The following LAMC1 variants were observed in gnomAD, a reference collection of about 807,000 sequenced individuals.
LAMC1 encodes the protein laminin subunit gamma-1.
LAMC1 carries 38 observed loss-of-function variants against 173.6 expected under a neutral mutation model. The observed-to-expected ratio is 0.22, with a 90% CI of 0.17 to 0.29. LAMC1 has a LOEUF of 0.29. Among genes scored for constraint, LAMC1 ranks in the 10% least tolerant of loss-of-function variants. The pLI, the probability that LAMC1 is intolerant of heterozygous loss-of-function variation, is 1.00. For synonymous variants in LAMC1, 746 were observed against 749.1 expected, an observed-to-expected ratio of 1.00 and a Z score of 0.07; for missense variants, 1,824 against 2,051.8, an observed-to-expected ratio of 0.89 and a Z score of 2.14.
At chr1:183,059,556 G>A (rs551664805) in intron 1 of LAMC1, among the ~76,000 whole-genome samples, 1 of 152,288 alleles carries the variant, frequency 6.6e-6, no homozygotes, top group South Asian at 2.1e-4. Flanking sequence ...TTGTGTGACA[G>A]GAGATAATGG....
intron 17 of LAMC1, 131 bp downstream of exon 17, chr1:183,127,535 A>G: frequency 1.5e-6 from 1 of 684,262 alleles, no homozygotes; most frequent in Non-Finnish European, 2.4e-6. Context: ...CTTATGTTCC[A>G]GTTGGGAGGC....
Position 183,122,144 on chromosome 1 carries a change from G to C in LAMC1, c.2294G>C (p.Gly765Ala), listed in dbSNP as rs754363534. The C allele has an allele frequency of 1.2e-6, 2 of 1,614,174 alleles. No individual in the cohort carries two copies. Among genetic ancestry groups the C allele is most frequent in the East Asian group, 2.2e-5 (1 of 44,884 alleles). Residue 765 changes from glycine to alanine, a missense_variant, in exon 13 of 28, where the codon GGC becomes GCC. By Grantham distance (60) the Gly-to-Ala change is moderately conservative. Transcript: ENST00000258341. ...GGGTACTATGGAGATTCAACTGCAG[G>C]CACCTCCTCCGATTGCCAACCCTGT... The part of the protein sequence containing the change: ...SDGYYGDSTA[G>A]TSSDCQPCPC...
intron 1 of LAMC1, among the ~76,000 whole-genome samples, chr1:183,038,419 CTTAAAAT>C (rs1654040291): frequency 6.6e-6 from 1 of 152,218 alleles, no homozygotes; most frequent in Admixed American, 6.5e-5. Flanking sequence ...GAGTGTTGGG[CTTAAAAT>C]GTCCTCAGTG....
In LAMC1 at chr1:183,023,762, C is replaced by T. The variant is rs1466558861; in HGVS notation, c.46C>T (p.Arg16Trp). 22 of 1,228,644 alleles carry T rather than the reference C, an allele frequency of 1.8e-5. No individual in the cohort carries two copies. Among genetic ancestry groups the T allele is most frequent in the Non-Finnish European group, 2.1e-5 (21 of 976,972 alleles). 76.1% of individuals were successfully genotyped at this position (1,228,644 alleles called of 1,614,324 possible). Residue 16 changes from arginine (R) to tryptophan (W), a missense_variant, in exon 1 of 28, where the codon CGG (arginine) becomes TGG (tryptophan). Coordinates refer to ENST00000258341, the MANE Select transcript of LAMC1 (RefSeq NM_002293.4). Reference protein sequence around the residue: ...RAAPALRPRGRLWPVLAVLAA... With the variant: ...RAAPALRPRGWLWPVLAVLAA... The stretch of plus-strand genomic sequence containing the variant: ...CGCGCCGGCCCTGCGGCCCCGGGGG[C>T]GGCTCTGGCCCGTGCTGGCCGTGCT...
intron 1 of LAMC1, among the ~76,000 whole-genome samples, chr1:183,095,152 G>C (rs1175994711): frequency 6.6e-6 from 1 of 152,078 alleles, no homozygotes; most frequent in Non-Finnish European, 1.5e-5. Context: ...GTGGATTAGA[G>C]TATTTTAAAT....
chr1:183,110,714 G>T, intron 4 of LAMC1, 60 bp downstream of exon 4: 1 of 1,526,264 alleles, frequency 6.6e-7, no homozygotes, highest in Non-Finnish European at 8.9e-7. Context: ...GGTGGAAGAA[G>T]GAATGGGTGA....
At chr1:183,129,347 C>G (rs1008163290) in intron 18 of LAMC1, among the ~76,000 whole-genome samples, 19 of 152,076 alleles carry the variant, frequency 1.2e-4, no homozygotes, top group African/African-American at 4.6e-4. Context: ...CTCAGCCTCC[C>G]AAAGTGCTGG....
At chr1:183,109,838 G>A (rs1656093322) in intron 3 of LAMC1, among the ~76,000 whole-genome samples, 1 of 152,084 alleles carries the variant, frequency 6.6e-6, no homozygotes, top group Non-Finnish European at 1.5e-5. Flanking sequence ...TGCATCTAGG[G>A]GATCTTTCAG....
At chr1:183,025,423 TGA>T (rs1233136224) in intron 1 of LAMC1, among the ~76,000 whole-genome samples, 2 of 152,228 alleles carry the variant, frequency 1.3e-5, no homozygotes, top group Non-Finnish European at 2.9e-5. Context: ...TATTTGCAGT[TGA>T]GTCATTAAAC....
chr1:183,110,352 T>C (rs1656108686), intron 3 of LAMC1, 136 bp from the exon 4 acceptor site: 2 of 570,594 alleles, frequency 3.5e-6, no homozygotes, highest in South Asian at 3.6e-5. Context: ...CAGACATCCA[T>C]TACTTAATCT....
At position 183,133,423 on chromosome 1, in the gene LAMC1, A is replaced by G. The variant is rs758238704; in HGVS notation, c.3722A>G (p.Asn1241Ser). 1.2e-6 allele frequency: 2 copies of G among 1,613,748 alleles called. No homozygotes were observed. The highest frequency in any genetic ancestry group is 8.5e-7 in the Non-Finnish European group (1 of 1,179,842). Residue 1241 changes from asparagine to serine, a missense_variant, in exon 22 of 28, where the codon AAC becomes AGC. Physicochemically the swap from Asn to Ser is conservative, Grantham distance 46. Transcript: ENST00000258341. ...TGTCTTAGGTATGAACAAGCGAAGAACATCTCACAGGATCTGGAAAAACAA... is the reference window on the plus strand; with the variant it reads ...TGTCTTAGGTATGAACAAGCGAAGAGCATCTCACAGGATCTGGAAAAACAA... ...ELNRKYEQAK[N>S]ISQDLEKQAA...
At chr1:183,077,175 T>C (rs1165582542) in intron 1 of LAMC1, among the ~76,000 whole-genome samples, 1 of 152,238 alleles carries the variant, frequency 6.6e-6, no homozygotes, top group African/African-American at 2.4e-5. Flanking sequence ...TTTCTCCTTT[T>C]TTTTTGAAAA....
Position 183,144,286 on chromosome 1 carries a change from G to C in LAMC1, c.*1496G>C, listed in dbSNP as rs889894400. 1.3e-5 allele frequency: 2 copies of C among 152,546 alleles called. No individual in the cohort carries two copies. The highest frequency in any genetic ancestry group is 4.8e-5 in the African/African-American group (2 of 41,420). The allele number at this position is 152,546 out of a possible 1,614,324, so 9.4% of individuals were successfully genotyped here. A position where few individuals can be genotyped will look rare whatever the true frequency, so the allele number is the denominator to read the frequency against. Reference sequence around the variant, plus strand: ...TTAATTATTTCAAATTTATATTTTTGTGTGAATGTTTTGTGTTTTGTTTAT... The same window carrying C: ...TTAATTATTTCAAATTTATATTTTTCTGTGAATGTTTTGTGTTTTGTTTAT... On this transcript the variant is annotated 3_prime_UTR_variant, in exon 28 of 28. Coordinates refer to ENST00000258341, the MANE Select transcript of LAMC1 (RefSeq NM_002293.4).
At chr1:183,032,493 C>G (rs1179100988) in intron 1 of LAMC1, among the ~76,000 whole-genome samples, 3 of 151,772 alleles carry the variant, frequency 2.0e-5, no homozygotes, top group Non-Finnish European at 4.4e-5. Context: ...GATAGTAATT[C>G]AAAATCAGTC....
intron 6 of LAMC1, 46 bp downstream of exon 6, chr1:183,115,683 A>G (rs760327740): frequency 5.9e-6 from 7 of 1,196,056 alleles, no homozygotes; most frequent in Non-Finnish European, 6.3e-6. Flanking sequence ...ATCTATATAT[A>G]GTCAACACAT....
intron 5 of LAMC1, 53 bp downstream of exon 5, chr1:183,114,772 C>G (rs569629872): frequency 1.9e-6 from 3 of 1,551,598 alleles, no homozygotes; most frequent in African/African-American, 1.4e-5. Context: ...CGTGGACCCC[C>G]GGAAAGGAAA....
intron 4 of LAMC1, among the ~76,000 whole-genome samples, chr1:183,113,054 T>C (rs1324962426): frequency 6.6e-6 from 1 of 152,222 alleles, no homozygotes; most frequent in Non-Finnish European, 1.5e-5. Flanking sequence ...CATGTGCCTG[T>C]ACTCCCAGCT....
chr1:183,036,603 A>T (rs1198078263), intron 1 of LAMC1, among the ~76,000 whole-genome samples: 3 of 150,964 alleles, frequency 2.0e-5, no homozygotes, highest in Non-Finnish European at 4.4e-5. Context: ...GGAGTTCACC[A>T]TGTTGGCCAG....
chr1:183,058,989 C>T (rs1465384307), intron 1 of LAMC1, among the ~76,000 whole-genome samples: 2 of 152,164 alleles, frequency 1.3e-5, no homozygotes, highest in South Asian at 2.1e-4. Flanking sequence ...TGGGAAAAAA[C>T]GTCTCACAGA....
Sources: gnomAD v4.1 joint callset for allele counts (sites outside exome capture counted in the v4.1 genomes callset) on GRCh38, gnomAD v4.1.1 for gene constraint, MANE v1.5 for transcripts, NCBI Gene and HGNC (gene_info 2026-07-23, HGNC 2026-07-21) for gene names.